The following GLMN variants were observed in gnomAD, a reference collection of about 807,000 sequenced individuals.
The protein encoded by GLMN is glomulin.
Under a neutral mutation model 87.8 loss-of-function variants are expected in GLMN, and 75 were observed. The observed-to-expected ratio is 0.85, with a 90% CI of 0.71 to 1.04. The LOEUF (loss-of-function observed/expected upper bound fraction) is 1.04. Ranked by LOEUF, GLMN falls within the 50% of genes least tolerant of loss-of-function variation. The pLI, the probability that GLMN is intolerant of heterozygous loss-of-function variation, is 0.00. For missense variants in GLMN, 588 were observed against 658.8 expected (o/e 0.89, Z 1.18); for synonymous variants, 206 against 221.6 (o/e 0.93, Z 0.63).
At chr1:92,332,438 T>C in the GLMN span, among the ~76,000 whole-genome samples, 37 of 152,300 alleles carry the variant, frequency 2.4e-4, no homozygotes, top group African/African-American at 8.9e-4. Flanking sequence ...TGAGGATTGA[T>C]CTCTGTAGGC....
chr1:92,267,473 G>T (rs528565409), intron 11 of GLMN, among the ~76,000 whole-genome samples: 73 of 152,218 alleles, frequency 4.8e-4, no homozygotes, highest in African/African-American at 1.7e-3. Flanking sequence ...GGGGGCTGAG[G>T]CAGGCTGATC....
At chr1:92,362,909 C>G in the GLMN span, among the ~76,000 whole-genome samples, 1 of 152,088 alleles carries the variant, frequency 6.6e-6, no homozygotes, top group African/African-American at 2.4e-5. Flanking sequence ...CTCTAAAATA[C>G]TAAGACTTAC....
At chr1:92,323,398 A>T in the GLMN span, 1 of 1,352,382 alleles carries the variant, frequency 7.4e-7, no homozygotes. Context: ...TTCGGGTTTT[A>T]TTTGCTATTT....
the GLMN span, chr1:92,320,675 G>T: frequency 1.3e-6 from 2 of 1,528,914 alleles, no homozygotes; most frequent in Non-Finnish European, 1.8e-6. Flanking sequence ...ATATATTTAT[G>T]TTAATAGAAA....
Position 92,262,926 on chromosome 1 carries a change from C to A in GLMN, c.1410G>T (p.Arg470Ser), listed in dbSNP as rs1218196166. The part of the protein sequence containing the change: ...AETDLLQNSD[R>S]IMASLNLLRY... ...TCAATAAATTTAATGAAGCCATAAT[C>A]CTGTTAATTAAAAATATATGTTACT... The change falls in exon 16 of 19, where the codon AGG becomes AGT. Residue 470 changes from arginine to serine, a missense_variant and splice_region_variant. Coordinates refer to ENST00000370360, the MANE Select transcript of GLMN (RefSeq NM_053274.3). 1.9e-6 allele frequency: 2 copies of A among 1,055,650 alleles called. No homozygotes were observed. The highest frequency in any genetic ancestry group is 3.0e-6 in the Non-Finnish European group (2 of 676,240). The allele number at this position is 1,055,650 out of a possible 1,614,324, so 65.4% of individuals were successfully genotyped here. A position where few individuals can be genotyped will look rare whatever the true frequency, so the allele number is the denominator to read the frequency against.
At chr1:92,320,366 T>C in the GLMN span, among the ~76,000 whole-genome samples, 4 of 152,044 alleles carry the variant, frequency 2.6e-5, no homozygotes, top group African/African-American at 9.7e-5. Context: ...TCTGTCTCCC[T>C]GGTTCAAGCG....
chr1:92,322,743 G>A, the GLMN span, among the ~76,000 whole-genome samples: 1 of 151,326 alleles, frequency 6.6e-6, no homozygotes, highest in Admixed American at 6.6e-5. Flanking sequence ...CAGGCGTGGT[G>A]GTGCCCACGT....
chr1:92,305,083 C>T, the GLMN span, among the ~76,000 whole-genome samples: 13 of 151,462 alleles, frequency 8.6e-5, no homozygotes, highest in Non-Finnish European at 1.5e-4. Flanking sequence ...TACAGTGAGC[C>T]GAGATCATGC....
At chr1:92,305,019 C>T in the GLMN span, among the ~76,000 whole-genome samples, 1 of 152,028 alleles carries the variant, frequency 6.6e-6, no homozygotes, top group East Asian at 1.9e-4. Context: ...CCTGTAGTCC[C>T]AGCTACTCAG....
At chr1:92,362,544 T>G in the GLMN span, among the ~76,000 whole-genome samples, 1 of 152,158 alleles carries the variant, frequency 6.6e-6, no homozygotes, top group Non-Finnish European at 1.5e-5. Context: ...TCAAGTATAA[T>G]CTGCCTTAAA....
chr1:92,256,706 C>T (rs1050478154), intron 16 of GLMN, among the ~76,000 whole-genome samples: 22 of 152,106 alleles, frequency 1.4e-4, no homozygotes, highest in African/African-American at 5.1e-4. Context: ...ATTCAACAGC[C>T]CTTCATGCTA....
chr1:92,330,913 A>G, the GLMN span, among the ~76,000 whole-genome samples: 5 of 152,252 alleles, frequency 3.3e-5, no homozygotes, highest in African/African-American at 1.2e-4. Context: ...TCCCCACCCC[A>G]TATTTACTGA....
chr1:92,254,393 A>G (rs1047291030), intron 16 of GLMN, among the ~76,000 whole-genome samples: 2 of 152,236 alleles, frequency 1.3e-5, no homozygotes. Flanking sequence ...ACAGGCCAAC[A>G]GTCAAATTCA....
At chr1:92,278,471 A>C (rs747380724) in intron 7 of GLMN, among the ~76,000 whole-genome samples, 1 of 152,184 alleles carries the variant, frequency 6.6e-6, no homozygotes, top group Non-Finnish European at 1.5e-5. Flanking sequence ...TCTCATCTTC[A>C]GAATTTATTC....
At chr1:92,329,033 G>A in the GLMN span, among the ~76,000 whole-genome samples, 34,858 of 152,186 alleles carry the variant, frequency 0.23, 5,511 homozygotes, top group East Asian at 0.85. Context: ...TGCTCCAGTG[G>A]AGGTACAGGG....
chr1:92,257,583 A>T (rs543510564), intron 16 of GLMN, among the ~76,000 whole-genome samples: 2 of 152,300 alleles, frequency 1.3e-5, no homozygotes, highest in South Asian at 4.2e-4. Flanking sequence ...AGGCCTCAGA[A>T]ATAACGCCAC....
At position 92,286,578 on chromosome 1, in the gene GLMN, A is replaced by G; in HGVS notation, c.647T>C (p.Leu216Ser). The G allele has an allele frequency of 6.3e-7, 1 of 1,580,818 alleles. No individual in the cohort carries two copies. Among genetic ancestry groups the G allele is most frequent in the Non-Finnish European group, 8.7e-7 (1 of 1,150,114 alleles). The change falls in exon 7 of 19, where the codon TTG becomes TCG. Residue 216 changes from leucine to serine, a missense_variant. By Grantham distance (145) the Leu-to-Ser change is moderately radical. Transcript: ENST00000370360. ...DELLKFCFKSLKCPLLTAQFF... is the reference protein window; with the variant it reads ...DELLKFCFKSSKCPLLTAQFF... ...TTGTGCTGTCAGCAAAGGGCATTTC[A>G]AGCTTTTGAAACAACTAAGGCATAA... is the stretch of plus-strand genomic sequence containing the variant.
chr1:92,247,584 G>A (rs898546004), intron 17 of GLMN, among the ~76,000 whole-genome samples: 1 of 152,152 alleles, frequency 6.6e-6, no homozygotes, highest in Non-Finnish European at 1.5e-5. Context: ...GTGAGATGGA[G>A]AGTGGACCCA....
chr1:92,310,652 T>G, the GLMN span, among the ~76,000 whole-genome samples: 1 of 152,050 alleles, frequency 6.6e-6, no homozygotes, highest in Non-Finnish European at 1.5e-5. Flanking sequence ...AATCCCAGCA[T>G]TTGGGAGGCC....
Sources: gnomAD v4.1 joint callset for allele counts (sites outside exome capture counted in the v4.1 genomes callset) on GRCh38, gnomAD v4.1.1 for gene constraint, MANE v1.5 for transcripts, NCBI Gene and HGNC (gene_info 2026-07-23, HGNC 2026-07-21) for gene names.